Variants in DLG2 observed in about 807,000 individuals in gnomAD.
The protein encoded by DLG2 is disks large homolog 2.
In DLG2, 45 loss-of-function variants were observed where a neutral mutation model predicts 132.5. That is an observed-to-expected ratio of 0.34 (90% CI 0.27 to 0.44). DLG2 has a LOEUF of 0.44. DLG2 is among the 20% of genes least tolerant of loss of function. The pLI, the probability that DLG2 is intolerant of heterozygous loss-of-function variation, is 1.00. For missense variants in DLG2, 1,045 were observed against 1,196.9 expected (o/e 0.87, Z 1.87); for synonymous variants, 424 against 419.6 (o/e 1.01, Z -0.13).
chr11:84,516,059 AC>A (rs961764195), intron 7 of DLG2, among the ~76,000 whole-genome samples: 7 of 151,694 alleles, frequency 4.6e-5, no homozygotes, highest in Non-Finnish European at 5.9e-5. Flanking sequence ...AGCACAATAT[AC>A]AAAAACCGAC....
Position 85,116,087 on chromosome 11 carries a change from G to T in DLG2, c.283-4352C>A, listed in dbSNP as rs76014253. The stretch of plus-strand genomic sequence containing the variant: ...CAGATGAAGAAAAAGAGGTCAAAAC[G>T]TGATGCCCAAGGAGCAGAACTAAGT... On this transcript the variant is annotated intron_variant, in intron 5 of 27. Coordinates refer to ENST00000376104, the MANE Select transcript of DLG2 (RefSeq NM_001142699.3). Among the ~76,000 whole-genome samples, 562 of 152,130 alleles carry T rather than the reference G, an allele frequency of 3.7e-3. 5 individuals are homozygous for T. The highest frequency in any genetic ancestry group is 0.013 in the African/African-American group (538 of 41,540).
At chr11:85,237,155 T>G (rs2075629785) in intron 4 of DLG2, among the ~76,000 whole-genome samples, 1 of 152,040 alleles carries the variant, frequency 6.6e-6, no homozygotes, top group Admixed American at 6.6e-5. Flanking sequence ...CAGAGTTAGA[T>G]CCAACTCTAA....
At chr11:83,480,734 T>C in intron 22 of DLG2, 1 of 984,668 alleles carries the variant, frequency 1.0e-6, no homozygotes, top group South Asian at 1.5e-5. Flanking sequence ...CTTTCAAGAT[T>C]TATGTGACAA....
chr11:84,295,584 A>T (rs1395405792), intron 7 of DLG2, among the ~76,000 whole-genome samples: 1 of 152,166 alleles, frequency 6.6e-6, no homozygotes, highest in Non-Finnish European at 1.5e-5. Flanking sequence ...TCATTTTTTA[A>T]ATCTACTTGA....
rs558365096 is a variant in DLG2, at chr11:84,156,736, A to G, written c.624+6725T>C. ...AAAAGAAAAATGACTGATTTATTGC[A>G]TCATGCAAATTCCTACAGAAGAAAC... On this transcript the variant is annotated intron_variant, in intron 9 of 27. Transcript: ENST00000376104. Among the ~76,000 whole-genome samples the G allele has an allele frequency of 3.9e-5, 6 of 152,392 alleles. No homozygotes were observed. In the East Asian group the frequency reaches 1.2e-3, roughly 29 times the overall value.
At chr11:85,452,114 A>G (rs1483577972) in intron 3 of DLG2, among the ~76,000 whole-genome samples, 1 of 152,150 alleles carries the variant, frequency 6.6e-6, no homozygotes, top group Non-Finnish European at 1.5e-5. Context: ...TATATTTTAC[A>G]TAATATAAAT....
chr11:84,433,844 T>C (rs2098992186), intron 7 of DLG2, among the ~76,000 whole-genome samples: 2 of 152,124 alleles, frequency 1.3e-5, no homozygotes, highest in Admixed American at 1.3e-4. Flanking sequence ...TGTCCCAGCA[T>C]GGTGGCTCAT....
chr11:85,503,408 C>T (rs926846320), intron 3 of DLG2, among the ~76,000 whole-genome samples: 4 of 152,094 alleles, frequency 2.6e-5, no homozygotes, highest in Non-Finnish European at 5.9e-5. Context: ...TGACTTCTAA[C>T]CAGTCTCCCT....
intron 19 of DLG2, among the ~76,000 whole-genome samples, chr11:83,569,910 G>A (rs777220010): frequency 5.9e-5 from 9 of 152,168 alleles, no homozygotes; most frequent in Non-Finnish European, 1.2e-4. Context: ...GTTTAAACAG[G>A]ACAGCTCCAT....
At chr11:84,458,851 G>A (rs1021773038) in intron 7 of DLG2, among the ~76,000 whole-genome samples, 2 of 150,392 alleles carry the variant, frequency 1.3e-5, no homozygotes, top group South Asian at 2.1e-4. Context: ...AAAAATTACT[G>A]GTAATATTTA....
intron 4 of DLG2, among the ~76,000 whole-genome samples, chr11:85,157,939 G>A (rs972329106): frequency 6.7e-6 from 1 of 150,252 alleles, no homozygotes; most frequent in Non-Finnish European, 1.5e-5. Context: ...ACCGTTGTCT[G>A]AGGAGATAAA....
Position 83,532,766 on chromosome 11 carries a change from C to T in DLG2, c.2135G>A (p.Arg712His), listed in dbSNP as rs757614787. The change falls in exon 21 of 28, where the codon CGT (arginine) becomes CAT (histidine). Residue 712 changes from arginine to histidine, a missense_variant. Transcript: ENST00000376104. ...PSKRRVERKE[R>H]ARLKTVKFNA... ...AAACTTCACTGTCTTCAATCGGGCA[C>T]GTTCCTTTCTTTCCACCCTAAAGCA... is the stretch of plus-strand genomic sequence containing the variant. The T allele has an allele frequency of 2.5e-6, 4 of 1,612,494 alleles. No homozygotes were observed. Among genetic ancestry groups the T allele is most frequent in the Non-Finnish European group, 3.4e-6 (4 of 1,179,138 alleles).
At chr11:84,642,424 A>G (rs2099668606) in intron 6 of DLG2, among the ~76,000 whole-genome samples, 1 of 152,122 alleles carries the variant, frequency 6.6e-6, no homozygotes, top group Non-Finnish European at 1.5e-5. Flanking sequence ...CTATAATGAG[A>G]AATTTTAAAG....
chr11:83,487,489 C>T lies in DLG2; in HGVS notation c.2194-3261G>A, dbSNP rs141671614. Among the ~76,000 whole-genome samples, 19 of 152,140 alleles carry T rather than the reference C, an allele frequency of 1.2e-4. No homozygotes were observed. The East Asian group carries it at 3.7e-3, about 29-fold the overall frequency. On this transcript the variant is annotated intron_variant, in intron 21 of 27. Coordinates refer to ENST00000376104, the MANE Select transcript of DLG2 (RefSeq NM_001142699.3). ...TCTTCTATTACTTGCCCCAGAGTCA[C>T]ACAATTGGTGAGCAGAGAAGTCAGA...
chr11:83,581,459 C>T (rs142068902), intron 19 of DLG2, among the ~76,000 whole-genome samples: 1 of 152,090 alleles, frequency 6.6e-6, no homozygotes, highest in African/African-American at 2.4e-5. Flanking sequence ...CCCTAAAATA[C>T]ATGTCAAGAG....
intron 6 of DLG2, among the ~76,000 whole-genome samples, chr11:84,850,948 A>G (rs2082095153): frequency 6.6e-6 from 1 of 152,144 alleles, no homozygotes; most frequent in African/African-American, 2.4e-5. Context: ...TAATACTGTT[A>G]AGATAACAGT....
intron 7 of DLG2, among the ~76,000 whole-genome samples, chr11:84,311,780 C>T (rs1297771527): frequency 6.6e-6 from 1 of 152,196 alleles, no homozygotes; most frequent in Non-Finnish European, 1.5e-5. Context: ...CCAGGCATCT[C>T]TTTTAATGAA....
chr11:84,038,518 A>G (rs536042676), intron 11 of DLG2, among the ~76,000 whole-genome samples: 3 of 152,212 alleles, frequency 2.0e-5, no homozygotes, highest in African/African-American at 7.2e-5. Context: ...TTGCTTATTA[A>G]AAATAATGTA....
At chr11:84,042,033 T>C (rs1235374622) in intron 11 of DLG2, among the ~76,000 whole-genome samples, 7 of 151,956 alleles carry the variant, frequency 4.6e-5, no homozygotes. Context: ...CGTGAAACTG[T>C]AAGTTCAATA....
Sources: allele counts gnomAD v4.1 joint callset (sites outside exome capture counted in the v4.1 genomes callset), GRCh38; gene constraint gnomAD v4.1.1; transcripts MANE v1.5; gene names NCBI Gene and HGNC (gene_info 2026-07-23, HGNC 2026-07-21).